Variants in TBC1D12 observed in about 807,000 individuals in gnomAD.
The protein encoded by TBC1D12 is TBC1 domain family, member 12.
A neutral mutation model predicts 86.7 loss-of-function variants in TBC1D12; 56 were observed. The observed-to-expected ratio is 0.65, with a 90% CI of 0.52 to 0.81. TBC1D12 has a LOEUF of 0.81. Ranked by LOEUF, TBC1D12 falls within the 30% of genes least tolerant of loss-of-function variation. The pLI is 0.00. For missense variants in TBC1D12, 1,023 were observed against 1,038.8 expected (o/e 0.98, Z 0.21); for synonymous variants, 421 against 411.7 (o/e 1.02, Z -0.27).
At chr10:94,465,774 GCATA>G (rs377073976) in intron 2 of TBC1D12, among the ~76,000 whole-genome samples, 56,221 of 144,150 alleles carry the variant, frequency 0.39, 11,459 homozygotes, top group East Asian at 0.73. Flanking sequence ...ATACGTATAC[GCATA>G]CATACATACA....
rs189556143 is a variant in TBC1D12, at chr10:94,459,775, C to T, written c.1096-14893C>T. ...CCCTCACTGCCCGGGGCCAGTGGCACCGGCCAGCAGCTCCAAGTGTGGGGC... is the reference window on the plus strand; with the variant it reads ...CCCTCACTGCCCGGGGCCAGTGGCATCGGCCAGCAGCTCCAAGTGTGGGGC... On this transcript the variant is annotated intron_variant, in intron 2 of 12. Transcript: ENST00000225235. Among the ~76,000 whole-genome samples, 12 of 152,324 alleles carry T rather than the reference C, an allele frequency of 7.9e-5. No individual in the cohort carries two copies. The East Asian group carries it at 2.3e-3, about 29-fold the overall frequency.
chr10:94,417,091 A>G, intron 1 of TBC1D12, among the ~76,000 whole-genome samples: 1 of 152,232 alleles, frequency 6.6e-6, no homozygotes, highest in East Asian at 1.9e-4. Flanking sequence ...TTTTTAAACA[A>G]TGGAGACATA....
chr10:94,435,466 G>A (rs1419183492), intron 1 of TBC1D12, among the ~76,000 whole-genome samples: 5 of 152,068 alleles, frequency 3.3e-5, no homozygotes, highest in Non-Finnish European at 7.4e-5. Flanking sequence ...TACTAATGAG[G>A]CTAAATATTG....
intron 7 of TBC1D12, among the ~76,000 whole-genome samples, chr10:94,507,613 A>C (rs969808790): frequency 2.6e-5 from 4 of 152,186 alleles, no homozygotes; most frequent in Admixed American, 1.3e-4. Flanking sequence ...CTATTTCATC[A>C]TTTTTGACTC....
intron 2 of TBC1D12, among the ~76,000 whole-genome samples, chr10:94,458,368 C>G (rs1323610323): frequency 1.3e-5 from 2 of 152,158 alleles, no homozygotes; most frequent in South Asian, 2.1e-4. Context: ...GATGTAGCCC[C>G]TTGACCTTGT....
At chr10:94,475,746 T>C (rs981883861) in intron 3 of TBC1D12, among the ~76,000 whole-genome samples, 8 of 152,212 alleles carry the variant, frequency 5.3e-5, no homozygotes, top group African/African-American at 1.9e-4. Context: ...TAAGAGTACA[T>C]TCTTAATGCT....
intron 11 of TBC1D12, among the ~76,000 whole-genome samples, chr10:94,527,549 T>G (rs531627351): frequency 6.6e-6 from 1 of 152,194 alleles, no homozygotes; most frequent in South Asian, 2.1e-4. Context: ...CAGAAGCTTT[T>G]TAGTTTGATA....
intron 1 of TBC1D12, among the ~76,000 whole-genome samples, chr10:94,406,869 C>A (rs2134044126): frequency 6.6e-6 from 1 of 152,270 alleles, no homozygotes; most frequent in East Asian, 1.9e-4. Flanking sequence ...TAGCTAGTGG[C>A]ATGCTGGGAT....
At chr10:94,509,808 T>G (rs1589667339) in intron 7 of TBC1D12, 1 of 314,494 alleles carries the variant, frequency 3.2e-6, no homozygotes, top group Admixed American at 5.6e-5. Flanking sequence ...ATTTGTAAAT[T>G]TTTTTCCTAG....
intron 2 of TBC1D12, among the ~76,000 whole-genome samples, chr10:94,465,678 G>A (rs1310141885): frequency 4.7e-5 from 6 of 128,332 alleles, no homozygotes; most frequent in African/African-American, 1.4e-4. Flanking sequence ...ATATGTGTGT[G>A]TGTGTGTGTG....
intron 3 of TBC1D12, among the ~76,000 whole-genome samples, chr10:94,488,344 C>T (rs1178946334): frequency 4.7e-5 from 7 of 148,462 alleles, no homozygotes; most frequent in Admixed American, 4.7e-4. Context: ...GCTGAGATTG[C>T]ACCACTGGGT....
At chr10:94,483,039 C>CT (rs71031579) in intron 3 of TBC1D12, among the ~76,000 whole-genome samples, 77,638 of 124,528 alleles carry the variant, frequency 0.62, 24,828 homozygotes, top group African/African-American at 0.75. Flanking sequence ...TATTCTTCTT[C>CT]TTTTTTTTTT....
intron 2 of TBC1D12, among the ~76,000 whole-genome samples, chr10:94,465,627 C>T (rs1335608367): frequency 1.4e-5 from 2 of 145,378 alleles, no homozygotes; most frequent in South Asian, 2.2e-4. Context: ...GCCTGGGCGA[C>T]AGAGCAAGAC....
At chr10:94,480,753 T>C (rs890999770) in intron 3 of TBC1D12, among the ~76,000 whole-genome samples, 1 of 151,352 alleles carries the variant, frequency 6.6e-6, no homozygotes, top group African/African-American at 2.4e-5. Context: ...GGCACACTAC[T>C]GTATTCCCAG....
chr10:94,512,324 AG>A (rs761874553), intron 9 of TBC1D12, among the ~76,000 whole-genome samples: 6 of 152,192 alleles, frequency 3.9e-5, no homozygotes, highest in Non-Finnish European at 7.4e-5. Flanking sequence ...TGGATTTTGC[AG>A]GAGAACAAAG....
In TBC1D12 at chr10:94,474,769, T is replaced by TGAGGATCGACCATC; in HGVS notation, c.1199_1211+1dup. The TGAGGATCGACCATC allele has an allele frequency of 2.5e-6, 4 of 1,614,004 alleles. No individual in the cohort carries two copies. The highest frequency in any genetic ancestry group is 3.4e-6 in the Non-Finnish European group (4 of 1,179,888). On this transcript the variant is annotated frameshift_variant, in exon 3 of 13. Transcript: ENST00000225235. LOFTEE classifies it high-confidence loss of function. ...CGCTTTCTACCACTGCCTTGATTCT[T>TGAGGATCGACCATC]GAGGATCGACCATCGTAAGTATTTT...
At position 94,521,407 on chromosome 10, in the gene TBC1D12, T is replaced by C. The variant is rs909578380; in HGVS notation, c.1762-548T>C. ...AGCTGAGCTGGTCCTATTGTTCCCA[T>C]TTTTGTGTCTTAGTTCATGCTTCTT... On this transcript the variant is annotated intron_variant, in intron 9 of 12. Transcript: ENST00000225235. 6.6e-5 allele frequency among the ~76,000 whole-genome samples: 10 copies of C among 152,234 alleles called. No individual in the cohort carries two copies. The South Asian group carries it at 1.9e-3, about 28-fold the overall frequency.
chr10:94,489,307 A>G (rs944919632), intron 3 of TBC1D12, among the ~76,000 whole-genome samples: 16 of 152,298 alleles, frequency 1.1e-4, no homozygotes, highest in African/African-American at 3.8e-4. Context: ...GTTCAATGCA[A>G]AGTTCCTCAG....
chr10:94,464,921 T>C (rs2134128057), intron 2 of TBC1D12, among the ~76,000 whole-genome samples: 1 of 152,364 alleles, frequency 6.6e-6, no homozygotes, highest in Admixed American at 6.5e-5. Context: ...TGGATTCTCA[T>C]ATCTACTCTT....
Sources: allele counts gnomAD v4.1 joint callset (sites outside exome capture counted in the v4.1 genomes callset), GRCh38; gene constraint gnomAD v4.1.1; transcripts MANE v1.5; gene names NCBI Gene and HGNC (gene_info 2026-07-23, HGNC 2026-07-21).